DMD: variants seen among roughly 807,000 people sequenced by gnomAD.
The protein encoded by DMD is dystrophin.
A neutral mutation model predicts 330.1 loss-of-function variants in DMD; 63 were observed. The observed-to-expected ratio is 0.19, with a 90% CI of 0.16 to 0.24. DMD has a LOEUF of 0.24. DMD is among the 10% of genes least tolerant of loss of function. The pLI, the probability that DMD is intolerant of heterozygous loss-of-function variation, is 1.00. For synonymous variants in DMD, 1,223 were observed against 959.8 expected, an observed-to-expected ratio of 1.27 and a Z score of -5.07; for missense variants, 3,344 against 2,684.1, an observed-to-expected ratio of 1.25 and a Z score of -5.43.
At chrX:31,142,869 CAT>C (rs1483791335) in intron 76 of DMD, among the ~76,000 whole-genome samples, 1 of 112,195 alleles carries the variant, frequency 8.9e-6, no homozygotes, top group Non-Finnish European at 1.9e-5. Flanking sequence ...ACAAATGGTA[CAT>C]AGAGACTCAG....
chrX:32,818,192 A>G (rs748654396), intron 5 of DMD, among the ~76,000 whole-genome samples: 3 of 112,068 alleles, frequency 2.7e-5, no homozygotes, highest in African/African-American at 9.7e-5. Flanking sequence ...ATAATCAAGC[A>G]ATCCTCCAAT....
intron 62 of DMD, among the ~76,000 whole-genome samples, chrX:31,291,098 T>C (rs917976737): frequency 8.9e-6 from 1 of 112,330 alleles, no homozygotes. Flanking sequence ...ATTAAATAAA[T>C]GTCAACTATA....
At chrX:31,122,102 A>G (rs770809771) in intron 78 of DMD, among the ~76,000 whole-genome samples, 172 bp from the exon 79 acceptor site, 1 of 112,411 alleles carries the variant, frequency 8.9e-6, no homozygotes, top group South Asian at 3.7e-4. Context: ...TTCCAGGAAG[A>G]AGCAAAGCCT....
intron 62 of DMD, among the ~76,000 whole-genome samples, chrX:31,304,809 G>C (rs1410090975): frequency 9.0e-6 from 1 of 110,630 alleles, no homozygotes; most frequent in East Asian, 2.8e-4. Context: ...CTCTAAGAAG[G>C]ATGTATATAT....
At chrX:32,445,778 A>G (rs932296983) in intron 27 of DMD, among the ~76,000 whole-genome samples, 1 of 111,259 alleles carries the variant, frequency 9.0e-6, no homozygotes, top group Non-Finnish European at 1.9e-5. Context: ...ATCACAAAAA[A>G]GAAGAAAACC....
At position 32,863,359 on chromosome X, in the gene DMD, A is replaced by G. The variant is rs144553594; in HGVS notation, c.94-13539T>C. Among the ~76,000 whole-genome samples the G allele has an allele frequency of 7.5e-3, 813 of 108,835 alleles. 8 individuals carry two copies. The highest frequency in any genetic ancestry group is 0.047 in the East Asian group (161 of 3,423). 94.5% of individuals were successfully genotyped at this position (108,835 alleles called of 115,157 possible). A position where few individuals can be genotyped will look rare whatever the true frequency, so the allele number is the denominator to read the frequency against. ...TGGCGAAACTCCACCTTTACTAAAA[A>G]TACAAAAGTTAGCTGGGCATGGTGG... On this transcript the variant is annotated intron_variant, in intron 2 of 78. Transcript: ENST00000357033.
chrX:32,059,770 T>C (rs1213694449), intron 44 of DMD, among the ~76,000 whole-genome samples: 2 of 111,259 alleles, frequency 1.8e-5, no homozygotes, highest in Non-Finnish European at 3.8e-5. Context: ...GGGTGGGTGA[T>C]AATACTGGAT....
chrX:32,978,871 C>T (rs1009418317), intron 2 of DMD, among the ~76,000 whole-genome samples: 17 of 112,266 alleles, frequency 1.5e-4, no homozygotes, highest in Non-Finnish European at 2.8e-4. Context: ...TCTGCAAATA[C>T]ACAACCCTTG....
intron 45 of DMD, among the ~76,000 whole-genome samples, chrX:31,951,265 G>GTT (rs1305251558): frequency 9.7e-6 from 1 of 103,123 alleles, no homozygotes; most frequent in African/African-American, 3.5e-5. Flanking sequence ...ATGAAACAAA[G>GTT]TTTTGGCTGT....
chrX:31,172,228 C>G (rs2040066660), intron 73 of DMD, 120 bp downstream of exon 73: 11 of 568,184 alleles, frequency 1.9e-5, no homozygotes. Context: ...AAATGAATGG[C>G]TCCTTAAAAG....
At chrX:31,865,230 A>G (rs1256158096) in intron 48 of DMD, among the ~76,000 whole-genome samples, 1 of 112,094 alleles carries the variant, frequency 8.9e-6, no homozygotes, top group Non-Finnish European at 1.9e-5. Context: ...TTATCAAGCC[A>G]GAATTATACT....
intron 41 of DMD, among the ~76,000 whole-genome samples, chrX:32,323,940 C>G (rs959473555): frequency 1.2e-4 from 13 of 110,769 alleles, no homozygotes; most frequent in Middle Eastern, 9.3e-3. Context: ...AGATCAAGCA[C>G]GTATTGGTAA....
rs371310054 is a variant in DMD at position 32,828,315 on chromosome X, T to G, written c.265-4928A>C. Among the ~76,000 whole-genome samples the G allele has an allele frequency of 7.2e-5, 8 of 111,295 alleles. No individual in the cohort carries two copies. The East Asian group carries it at 1.1e-3, about 16-fold the overall frequency. ...GGAATCACCACACTGCTTTCCACAA[T>G]GGCAGAATTGATTAACATTCCCACC... On this transcript the variant is annotated intron_variant, in intron 4 of 78. Coordinates refer to ENST00000357033, the MANE Select transcript of DMD (RefSeq NM_004006.3).
chrX:31,765,360 T>C (rs2089923891), intron 51 of DMD, among the ~76,000 whole-genome samples: 2 of 111,870 alleles, frequency 1.8e-5, no homozygotes, highest in Non-Finnish European at 3.8e-5. Flanking sequence ...TTTTATGTTT[T>C]TCTTATAGAG....
At chrX:32,303,111 C>T (rs1322204680) in intron 42 of DMD, among the ~76,000 whole-genome samples, 1 of 111,543 alleles carries the variant, frequency 9.0e-6, no homozygotes, top group African/African-American at 3.2e-5. Context: ...ATATACAAAC[C>T]TAGAACAATT....
rs1249325663 is a variant in DMD at position 32,174,059 on chromosome X, A to C, written c.6438+42857T>G. ...TACATTTCGGCAAAAAGTCTTCATA[A>C]AAATTAGAAAATTGGTGAGTAAGTC... is the stretch of plus-strand genomic sequence containing the variant. On this transcript the variant is annotated intron_variant, in intron 44 of 78. Transcript: ENST00000357033. Among the ~76,000 whole-genome samples, 5 of 112,366 alleles carry C rather than the reference A, an allele frequency of 4.4e-5. No individual in the cohort carries two copies. The East Asian group carries it at 1.4e-3, about 32-fold the overall frequency.
At chrX:31,766,790 A>AAAT (rs1292658445) in intron 51 of DMD, among the ~76,000 whole-genome samples, 1 of 111,550 alleles carries the variant, frequency 9.0e-6, no homozygotes, top group Non-Finnish European at 1.9e-5. Flanking sequence ...TATAGTTTAT[A>AAAT]AGTTTATGTA....
In DMD at chrX:31,568,247, T is replaced by C. The variant is rs773136843; in HGVS notation, c.8217+59426A>G. On this transcript the variant is annotated intron_variant, in intron 55 of 78. Coordinates refer to ENST00000357033, the MANE Select transcript of DMD (RefSeq NM_004006.3). Reference sequence around the variant, plus strand: ...TTTAAAGTAATGTGTATTCTGCTACTGTTGGGAGGAGTGCTTCAATTAGAT... The same window carrying C: ...TTTAAAGTAATGTGTATTCTGCTACCGTTGGGAGGAGTGCTTCAATTAGAT... Among the ~76,000 whole-genome samples the C allele has an allele frequency of 1.3e-4, 14 of 111,591 alleles. No homozygotes were observed. The East Asian group carries it at 2.5e-3, about 20-fold the overall frequency.
rs931294231 is a variant in DMD, at chrX:31,572,952, T to C, written c.8217+54721A>G. 3.6e-5 allele frequency among the ~76,000 whole-genome samples: 4 copies of C among 112,023 alleles called. No individual in the cohort carries two copies. The East Asian group carries it at 8.4e-4, about 23-fold the overall frequency. The stretch of plus-strand genomic sequence containing the variant: ...GATTTTTTTCTCTTTGTGGTAAATA[T>C]CATTTTAATTCCCCTATTCTCATTT... On this transcript the variant is annotated intron_variant, in intron 55 of 78. Coordinates refer to ENST00000357033, the MANE Select transcript of DMD (RefSeq NM_004006.3).
Sources: gnomAD v4.1 joint callset for allele counts (sites outside exome capture counted in the v4.1 genomes callset) on GRCh38, gnomAD v4.1.1 for gene constraint, MANE v1.5 for transcripts, NCBI Gene and HGNC (gene_info 2026-07-23, HGNC 2026-07-21) for gene names.